The following DHRSX variants were observed in gnomAD, a reference collection of about 807,000 sequenced individuals.
The protein encoded by DHRSX is dehydrogenase/reductase X-linked, also known as polyprenol dehydrogenase.
DHRSX carries 31 observed loss-of-function variants against 34.0 expected under a neutral mutation model. The observed-to-expected ratio is 0.91, with a 90% CI of 0.69 to 1.23. DHRSX has a LOEUF of 1.23. Ranked by LOEUF, DHRSX falls within the 50% of genes most tolerant of loss-of-function variation. The pLI is 0.00. For synonymous variants in DHRSX, 201 were observed against 183.8 expected (o/e 1.09, Z -0.76); for missense variants, 414 against 428.1 (o/e 0.97, Z 0.29).
At chrX:2,303,917 ATGG>A (rs2042054563) in intron 3 of DHRSX, among the ~76,000 whole-genome samples, 4 of 138,686 alleles carry the variant, frequency 2.9e-5, no homozygotes, top group African/African-American at 1.1e-4. Context: ...GGATGGATGG[ATGG>A]ATGGATGGGT....
intron 3 of DHRSX, among the ~76,000 whole-genome samples, chrX:2,371,741 C>CCCTCCTCCTCCCATTATCACAGCT (rs2043075355): frequency 6.6e-6 from 1 of 151,576 alleles, no homozygotes; most frequent in Admixed American, 6.6e-5. Context: ...TTATCACAGC[C>CCCTCCTCCTCCCATTATCACAGCT]CCTCCTCCTC....
chrX:2,390,653 C>T (rs1030542459), intron 3 of DHRSX, among the ~76,000 whole-genome samples: 9 of 152,154 alleles, frequency 5.9e-5, no homozygotes, highest in Admixed American at 1.3e-4. Context: ...CTCGCCCAAC[C>T]CCTATAACTA....
At chrX:2,409,464 C>T (rs1348650215) in intron 2 of DHRSX, among the ~76,000 whole-genome samples, 2 of 152,062 alleles carry the variant, frequency 1.3e-5, no homozygotes, top group African/African-American at 4.8e-5. Context: ...TGGGATGTTC[C>T]CCTCCCTGTG....
intron 3 of DHRSX, among the ~76,000 whole-genome samples, chrX:2,377,327 C>G (rs56182636): frequency 0.047 from 7,066 of 151,314 alleles, 250 homozygotes; most frequent in South Asian, 0.12. Flanking sequence ...ACTTGTTTTC[C>G]TGCAACTAGA....
intron 3 of DHRSX, among the ~76,000 whole-genome samples, chrX:2,345,606 C>CGA (rs1190232610): frequency 6.7e-6 from 1 of 149,546 alleles, no homozygotes; most frequent in Non-Finnish European, 1.5e-5. Context: ...AAGATCGCAC[C>CGA]GAGATCGCAT....
chrX:2,444,601 T>A (rs1027041830), intron 1 of DHRSX, among the ~76,000 whole-genome samples: 1 of 151,742 alleles, frequency 6.6e-6, no homozygotes, highest in Non-Finnish European at 1.5e-5. Context: ...GAGGCCCAGG[T>A]GGGAAGATCC....
intron 1 of DHRSX, among the ~76,000 whole-genome samples, chrX:2,452,541 G>A (rs2044238195): frequency 1.3e-5 from 2 of 151,964 alleles, no homozygotes; most frequent in Admixed American, 1.3e-4. Flanking sequence ...CGTTCCCGAA[G>A]AATGTGGCCA....
chrX:2,446,462 G>C (rs1331692261), intron 1 of DHRSX, among the ~76,000 whole-genome samples: 1 of 149,676 alleles, frequency 6.7e-6, no homozygotes, highest in African/African-American at 2.5e-5. Context: ...CACTGAAGAC[G>C]GTCTCGAGGC....
chrX:2,229,908 T>C (rs1349165044), intron 6 of DHRSX, among the ~76,000 whole-genome samples: 1 of 152,180 alleles, frequency 6.6e-6, no homozygotes, highest in Non-Finnish European at 1.5e-5. Flanking sequence ...TGAGTACATG[T>C]ACGTACATGC....
At chrX:2,438,163 C>G (rs1359037747) in intron 1 of DHRSX, among the ~76,000 whole-genome samples, 1 of 130,798 alleles carries the variant, frequency 7.6e-6, no homozygotes, top group Middle Eastern at 3.9e-3. Flanking sequence ...GGTGACAGAG[C>G]GAGACTCCAT....
At chrX:2,334,005 G>T (rs562613613) in intron 3 of DHRSX, among the ~76,000 whole-genome samples, 5 of 152,100 alleles carry the variant, frequency 3.3e-5, no homozygotes, top group African/African-American at 9.6e-5. Context: ...CCACTGATGG[G>T]TATCTAGCTT....
At chrX:2,463,363 G>A (rs994130539) in intron 1 of DHRSX, among the ~76,000 whole-genome samples, 16 of 152,082 alleles carry the variant, frequency 1.1e-4, no homozygotes, top group Non-Finnish European at 1.5e-5. Flanking sequence ...GTGCACGAAG[G>A]CAGTGATGAA....
chrX:2,239,882 T>A (rs1345537485), intron 6 of DHRSX, among the ~76,000 whole-genome samples: 3 of 152,190 alleles, frequency 2.0e-5, no homozygotes, highest in Non-Finnish European at 2.9e-5. Flanking sequence ...TGTATCCTAG[T>A]GTTGGTGTAT....
At chrX:2,334,148 GTTGTT>G (rs1434710708) in intron 3 of DHRSX, 4 of 123,550 alleles carry the variant, frequency 3.2e-5, no homozygotes, top group African/African-American at 1.3e-4. Flanking sequence ...TGGTAATTCT[GTTGTT>G]TTAACTCAAA....
At chrX:2,437,725 G>A (rs1249773311) in intron 1 of DHRSX, among the ~76,000 whole-genome samples, 1 of 112,978 alleles carries the variant, frequency 8.9e-6, no homozygotes, top group Non-Finnish European at 1.9e-5. Context: ...GTGTGTGTGT[G>A]TGTGTGTGTC....
At chrX:2,331,970 AGGTTTT>A (rs1384655036) in intron 3 of DHRSX, among the ~76,000 whole-genome samples, 1 of 152,164 alleles carries the variant, frequency 6.6e-6, no homozygotes, top group Non-Finnish European at 1.5e-5. Flanking sequence ...ACCAGCAATA[AGGTTTT>A]GACTCGCGAA....
At chrX:2,248,155 C>T (rs766506433) in intron 5 of DHRSX, among the ~76,000 whole-genome samples, 4 of 151,944 alleles carry the variant, frequency 2.6e-5, no homozygotes, top group South Asian at 2.1e-4. Flanking sequence ...AACATTAGGC[C>T]GGGCACGGTG....
At chrX:2,403,460 G>A (rs750763807) in intron 3 of DHRSX, among the ~76,000 whole-genome samples, 2 of 152,098 alleles carry the variant, frequency 1.3e-5, no homozygotes, top group South Asian at 2.1e-4. Flanking sequence ...TTAATGGTGG[G>A]GACAAATCAT....
chrX:2,382,555 C>T lies in DHRSX; in HGVS notation c.286+26190G>A, dbSNP rs59830074. Among the ~76,000 whole-genome samples, 134 of 68,658 alleles carry T rather than the reference C, an allele frequency of 2.0e-3. No individual in the cohort carries two copies. The East Asian group carries it at 0.041, about 21-fold the overall frequency. The allele number at this position is 68,658 out of a possible 152,430, so 45.0% of individuals were successfully genotyped here. A position where few individuals can be genotyped will look rare whatever the true frequency, so the allele number is the denominator to read the frequency against. On this transcript the variant is annotated intron_variant, in intron 3 of 6. Transcript: ENST00000334651. ...ACCATCATCACCATCATCATCATCA[C>T]CATCACCATCATCATCATCACCATC...
Sources: allele counts gnomAD v4.1 joint callset (sites outside exome capture counted in the v4.1 genomes callset), GRCh38; gene constraint gnomAD v4.1.1; transcripts MANE v1.5; gene names NCBI Gene and HGNC (gene_info 2026-07-23, HGNC 2026-07-21).